ARHGEF28: variants seen among roughly 807,000 people sequenced by gnomAD.
ARHGEF28 encodes Rho guanine nucleotide exchange factor 28.
Under a neutral mutation model 206.6 loss-of-function variants are expected in ARHGEF28, and 152 were observed. The ratio of observed to expected loss-of-function variants is 0.74; its 90% CI spans 0.64 to 0.84. The LOEUF is 0.84. Among genes scored for constraint, ARHGEF28 ranks in the 40% least tolerant of loss-of-function variants. The pLI is 0.00. For missense variants in ARHGEF28, 2,028 were observed against 2,073.2 expected (o/e 0.98, Z 0.42); for synonymous variants, 763 against 776.4 (o/e 0.98, Z 0.29).
intron 10 of ARHGEF28, among the ~76,000 whole-genome samples, chr5:73,836,741 A>G (rs974052657): frequency 2.8e-4 from 43 of 152,142 alleles, no homozygotes; most frequent in African/African-American, 9.7e-4. Flanking sequence ...GCCAAGACCA[A>G]TGTCAAGGAG....
chr5:73,935,501 T>C (rs1580127176), intron 35 of ARHGEF28, among the ~76,000 whole-genome samples: 1 of 152,186 alleles, frequency 6.6e-6, no homozygotes, highest in East Asian at 1.9e-4. Flanking sequence ...GCTCTGAAGA[T>C]ACCTCAAGCT....
At chr5:73,662,965 T>G (rs752742939) in intron 1 of ARHGEF28, among the ~76,000 whole-genome samples, 2 of 152,098 alleles carry the variant, frequency 1.3e-5, no homozygotes, top group Admixed American at 1.3e-4. Flanking sequence ...AAAAAATTGT[T>G]ATTATTTTGA....
intron 9 of ARHGEF28, among the ~76,000 whole-genome samples, chr5:73,820,200 A>AG (rs1380960326): frequency 6.6e-6 from 1 of 152,106 alleles, no homozygotes; most frequent in African/African-American, 2.4e-5. Flanking sequence ...GGGGCAGGGG[A>AG]GGGGAAAGGA....
At chr5:73,655,710 G>A (rs900136030) in intron 1 of ARHGEF28, among the ~76,000 whole-genome samples, 1 of 152,178 alleles carries the variant, frequency 6.6e-6, no homozygotes, top group Non-Finnish European at 1.5e-5. Context: ...GGGTTGGGCT[G>A]GTCCACAGGG....
intron 4 of ARHGEF28, among the ~76,000 whole-genome samples, chr5:73,764,954 C>A (rs1264703508): frequency 6.6e-6 from 1 of 152,132 alleles, no homozygotes; most frequent in East Asian, 1.9e-4. Flanking sequence ...GATACCCATG[C>A]CAAATTCTCT....
chr5:73,787,556 AC>A (rs1418820000), intron 7 of ARHGEF28, among the ~76,000 whole-genome samples: 3 of 151,926 alleles, frequency 2.0e-5, no homozygotes, highest in Admixed American at 6.6e-5. Context: ...CCTCTGACAG[AC>A]CCTGGTGTGT....
chr5:73,863,409 T>C (rs1165804116), intron 16 of ARHGEF28: 2 of 152,134 alleles, frequency 1.3e-5, no homozygotes, highest in Non-Finnish European at 2.9e-5. Flanking sequence ...TATTTTATAA[T>C]TATACGCTTC....
At chr5:73,776,319 C>T (rs571403092) in intron 5 of ARHGEF28, among the ~76,000 whole-genome samples, 197 bp from the exon 6 acceptor site, 1 of 152,172 alleles carries the variant, frequency 6.6e-6, no homozygotes, top group African/African-American at 2.4e-5. Flanking sequence ...CAATAGACTT[C>T]TTCTCTAGGT....
chr5:73,927,207 T>TA (rs1249344250), intron 35 of ARHGEF28, among the ~76,000 whole-genome samples: 10 of 149,046 alleles, frequency 6.7e-5, no homozygotes, highest in Non-Finnish European at 7.4e-5. Context: ...AAAAAAAAAA[T>TA]AAAAATAAAA....
chr5:73,824,360 G>A (rs900784308), intron 9 of ARHGEF28, among the ~76,000 whole-genome samples: 5 of 152,078 alleles, frequency 3.3e-5, no homozygotes, highest in African/African-American at 1.2e-4. Context: ...TGTGACAGAT[G>A]ACATAGGACA....
chr5:73,739,093 G>T (rs1317519612), intron 2 of ARHGEF28, among the ~76,000 whole-genome samples: 1 of 151,956 alleles, frequency 6.6e-6, no homozygotes, highest in Non-Finnish European at 1.5e-5. Context: ...TCCTTAGAGG[G>T]GCCTTAGAGA....
chr5:73,939,852 G>A (rs1742486624), intron 35 of ARHGEF28, among the ~76,000 whole-genome samples: 1 of 151,934 alleles, frequency 6.6e-6, no homozygotes, highest in African/African-American at 2.4e-5. Context: ...ATGTGGCGAG[G>A]GTTACAATGG....
At chr5:73,868,313 AT>A (rs34777247) in intron 20 of ARHGEF28, 86 bp downstream of exon 20, 479,818 of 1,325,648 alleles carry the variant, frequency 0.36, 83,651 homozygotes, top group Admixed American at 0.43. Context: ...AGATTGAAGC[AT>A]TTTTTTTTTC....
intron 30 of ARHGEF28, chr5:73,899,632 G>T (rs1036286396): frequency 1.3e-5 from 2 of 152,232 alleles, no homozygotes; most frequent in East Asian, 1.9e-4. Flanking sequence ...AAGGCACAAG[G>T]CTAGTTCTAA....
intron 12 of ARHGEF28, among the ~76,000 whole-genome samples, chr5:73,847,174 A>G (rs1758419434): frequency 1.3e-5 from 2 of 152,142 alleles, no homozygotes; most frequent in Non-Finnish European, 1.5e-5. Context: ...ACTTATTACT[A>G]TAAAACAATG....
intron 2 of ARHGEF28, among the ~76,000 whole-genome samples, chr5:73,716,085 A>C (rs116431256): frequency 6.6e-6 from 1 of 152,308 alleles, no homozygotes; most frequent in Non-Finnish European, 1.5e-5. Context: ...TGTAAATTTA[A>C]TTTACTTGTC....
chr5:73,666,364 G>A (rs938001968), intron 1 of ARHGEF28, among the ~76,000 whole-genome samples: 3 of 152,188 alleles, frequency 2.0e-5, no homozygotes, highest in Non-Finnish European at 4.4e-5. Flanking sequence ...CCTGCAGCTT[G>A]AGTTGCAAGC....
intron 4 of ARHGEF28, among the ~76,000 whole-genome samples, chr5:73,766,913 A>T (rs538979393): frequency 6.6e-6 from 1 of 152,160 alleles, no homozygotes; most frequent in Admixed American, 6.5e-5. Context: ...TCCCCACCCA[A>T]ATCTCACCTT....
At chr5:73,812,395 T>C (rs1327815083) in intron 9 of ARHGEF28, among the ~76,000 whole-genome samples, 1 of 152,240 alleles carries the variant, frequency 6.6e-6, no homozygotes, top group African/African-American at 2.4e-5. Context: ...ATGTTTCCAA[T>C]GTCGTTTAGT....
Sources: allele counts gnomAD v4.1 joint callset (sites outside exome capture counted in the v4.1 genomes callset), GRCh38; gene constraint gnomAD v4.1.1; transcripts MANE v1.5; gene names NCBI Gene and HGNC (gene_info 2026-07-23, HGNC 2026-07-21).